Variants in OR4E2 observed in about 807,000 individuals in gnomAD.
OR4E2 encodes olfactory receptor 4E2.
A neutral mutation model predicts 11.0 loss-of-function variants in OR4E2; 9 were observed. The ratio of observed to expected loss-of-function variants is 0.82; its 90% CI spans 0.49 to 1.43. The LOEUF is 1.43. OR4E2 is among the 40% of genes most tolerant of loss of function. OR4E2 has a pLI of 0.00. For synonymous variants in OR4E2, 159 were observed against 147.3 expected (o/e 1.08, Z -0.57); for missense variants, 441 against 382.0 (o/e 1.15, Z -1.29).
chr14:21,656,173 C>CG (rs1213400720), intron 1 of OR4E2, among the ~76,000 whole-genome samples: 1 of 135,118 alleles, frequency 7.4e-6, no homozygotes, highest in Admixed American at 8.4e-5. Context: ...AAACAAACAA[C>CG]CAAAAAAAAA....
intron 3 of OR4E2, among the ~76,000 whole-genome samples, chr14:21,661,303 TTAA>T (rs1156739348): frequency 6.6e-6 from 1 of 152,208 alleles, no homozygotes; most frequent in Non-Finnish European, 1.5e-5. Context: ...TGTATAAATA[TTAA>T]TATGTTGAAG....
chr14:21,656,343 G>C (rs1450434411), intron 1 of OR4E2, among the ~76,000 whole-genome samples, 159 bp from the exon 2 acceptor site: 1 of 152,090 alleles, frequency 6.6e-6, no homozygotes, highest in Non-Finnish European at 1.5e-5. Flanking sequence ...CTAGGTGACA[G>C]AGTGAGACTC....
Position 21,667,172 on chromosome 14 carries a change from T to C in OR4E2, c.*1148T>C, listed in dbSNP as rs1387186288. On this transcript the variant is annotated 3_prime_UTR_variant, in exon 4 of 4. Transcript: ENST00000641524. Reference sequence around the variant, plus strand: ...GCTGATGGAATGAAATGAAATATGGTTAATAATAAAAATATTAAGTATAAA... The same window carrying C: ...GCTGATGGAATGAAATGAAATATGGCTAATAATAAAAATATTAAGTATAAA... The C allele has an allele frequency of 6.6e-6, 1 of 152,192 alleles. No individual in the cohort carries two copies. Among genetic ancestry groups the C allele is most frequent in the East Asian group, 1.9e-4 (1 of 5,198 alleles). The allele number at this position is 152,192 out of a possible 1,614,324, so 9.4% of individuals were successfully genotyped here. A position where few individuals can be genotyped will look rare whatever the true frequency, so the allele number is the denominator to read the frequency against.
intron 1 of OR4E2, among the ~76,000 whole-genome samples, chr14:21,655,933 T>C (rs1404383413): frequency 6.6e-6 from 1 of 151,754 alleles, no homozygotes; most frequent in Non-Finnish European, 1.5e-5. Flanking sequence ...AGGAAAAATG[T>C]AAAATTTGCA....
At chr14:21,661,284 G>A (rs1880307975) in intron 3 of OR4E2, among the ~76,000 whole-genome samples, 1 of 152,086 alleles carries the variant, frequency 6.6e-6, no homozygotes, top group Non-Finnish European at 1.5e-5. Context: ...ATGTATATAT[G>A]TTTGAATATG....
At chr14:21,661,244 A>G (rs926446237) in intron 3 of OR4E2, among the ~76,000 whole-genome samples, 4 of 152,204 alleles carry the variant, frequency 2.6e-5, no homozygotes, top group African/African-American at 9.6e-5. Flanking sequence ...TCCTTCTAGG[A>G]ATAAATATAT....
At chr14:21,656,106 CT>C (rs1879930881) in intron 1 of OR4E2, among the ~76,000 whole-genome samples, 1 of 151,618 alleles carries the variant, frequency 6.6e-6, no homozygotes, top group African/African-American at 2.4e-5. Context: ...AGCGAAGCCC[CT>C]GTCTCTACAA....
intron 3 of OR4E2, among the ~76,000 whole-genome samples, chr14:21,664,138 A>G (rs1305011294): frequency 2.0e-5 from 3 of 152,246 alleles, no homozygotes; most frequent in African/African-American, 7.2e-5. Flanking sequence ...TTGCTGGGTC[A>G]AATGGTATTT....
chr14:21,665,424 G>T lies in OR4E2; in HGVS notation c.342G>T (p.Leu114=). ...LHLFACAEIF[L]LIIMAYDRYV... is the part of the protein sequence containing the mutation. ...TCTTTGCCTGTGCCGAGATCTTTCT[G>T]CTGATCATTATGGCGTATGATCGTT... Residue 114 remains leucine (L), a synonymous_variant, in exon 4 of 4, where the codon CTG becomes CTT. Transcript: ENST00000641524. 3 of 1,613,968 alleles carry T rather than the reference G, an allele frequency of 1.9e-6. No individual in the cohort carries two copies. Among genetic ancestry groups the T allele is most frequent in the Middle Eastern group, 1.6e-4 (1 of 6,062 alleles).
Position 21,666,018 on chromosome 14 carries a change from T to A in OR4E2, c.936T>A (p.Tyr312Ter). The A allele has an allele frequency of 6.2e-7, 1 of 1,609,924 alleles. No individual in the cohort carries two copies. Among genetic ancestry groups the A allele is most frequent in the Non-Finnish European group, 8.5e-7 (1 of 1,176,926 alleles). The change falls in exon 4 of 4, where the codon TAT becomes TAA. Residue 312 changes from tyrosine to a stop codon, truncating the protein, a stop_gained. Transcript: ENST00000641524. LOFTEE classifies it high-confidence loss of function. ...GACAAGTTTTTTTCACGAAATCATA[T>A]ACATAATGGGCACTGGGATTGCAGA... The part of the protein sequence containing the change: ...RQRQVFFTKS[Y>*]T
Position 21,666,831 on chromosome 14 carries a change from A to T in OR4E2, c.*807A>T, listed in dbSNP as rs1382641350. ...CTCAGCCTCCTGAATAGCTGGGACT[A>T]TAGGTGCATGCCATCATGCCTGGCT... is the stretch of plus-strand genomic sequence containing the variant. On this transcript the variant is annotated 3_prime_UTR_variant, in exon 4 of 4. Coordinates refer to ENST00000641524, the MANE Select transcript of OR4E2 (RefSeq NM_001001912.3). 6.6e-6 allele frequency: 1 copy of T among 151,822 alleles called. No individual in the cohort carries two copies. Among genetic ancestry groups the T allele is most frequent in the East Asian group, 1.9e-4 (1 of 5,154 alleles). 9.4% of individuals were successfully genotyped at this position (151,822 alleles called of 1,614,324 possible).
intron 3 of OR4E2, among the ~76,000 whole-genome samples, chr14:21,664,248 A>G (rs1880499541): frequency 1.3e-5 from 2 of 152,184 alleles, no homozygotes. Flanking sequence ...TTTCCTCCAC[A>G]ACCTCACCAA....
At chr14:21,658,856 C>T (rs1186214091) in intron 2 of OR4E2, among the ~76,000 whole-genome samples, 1 of 151,738 alleles carries the variant, frequency 6.6e-6, no homozygotes, top group Non-Finnish European at 1.5e-5. Context: ...ATACAATACA[C>T]AATACTGATG....
intron 2 of OR4E2, among the ~76,000 whole-genome samples, chr14:21,658,545 T>C (rs1163552375): frequency 6.6e-6 from 1 of 152,082 alleles, no homozygotes; most frequent in Non-Finnish European, 1.5e-5. Context: ...AGAGATCAGG[T>C]AGAAACAGAG....
intron 1 of OR4E2, among the ~76,000 whole-genome samples, chr14:21,656,196 A>G (rs1202967924): frequency 6.6e-6 from 1 of 151,800 alleles, no homozygotes; most frequent in Non-Finnish European, 1.5e-5. Flanking sequence ...AGCAATGAAC[A>G]AAAAAACAAA....
rs534255511 is a variant in OR4E2, at chr14:21,655,160, C to A, written c.-191+1221C>A. Among the ~76,000 whole-genome samples the A allele has an allele frequency of 2.6e-5, 4 of 152,228 alleles. No individual in the cohort carries two copies. The South Asian group carries it at 8.3e-4, about 32-fold the overall frequency. Reference sequence around the variant, plus strand: ...AGTAATTAAAGGGATAAAATTATTACCTGCATTCCATAATGAAAATAAAGA... The same window carrying A: ...AGTAATTAAAGGGATAAAATTATTAACTGCATTCCATAATGAAAATAAAGA... On this transcript the variant is annotated intron_variant, in intron 1 of 3. Transcript: ENST00000641524.
rs763103194 is a variant in OR4E2, at chr14:21,665,347, A to G, written c.265A>G (p.Arg89Gly). The G allele has an allele frequency of 2.5e-6, 4 of 1,614,146 alleles. No individual in the cohort carries two copies. In the Admixed American group the frequency reaches 5.0e-5, roughly 20 times the overall value. The change falls in exon 4 of 4, where the codon AGA (arginine) becomes GGA (glycine). Residue 89 changes from arginine to glycine, a missense_variant. Transcript: ENST00000641524. ...GATGTTGGAGGGTTTGCTTTTAGAA[A>G]GAAAGACCATTTCCTTTGACAACTG... ...PKMLEGLLLE[R>G]KTISFDNCIT...
chr14:21,657,393 T>TCTTC (rs1555338225), intron 2 of OR4E2, among the ~76,000 whole-genome samples: 54 of 98,404 alleles, frequency 5.5e-4, no homozygotes, highest in East Asian at 1.6e-3. Flanking sequence ...TTCCTTTCTT[T>TCTTC]CTTCCTTCCT....
intron 1 of OR4E2, among the ~76,000 whole-genome samples, chr14:21,654,438 C>T (rs1160371981): frequency 2.7e-5 from 4 of 147,760 alleles, no homozygotes; most frequent in Non-Finnish European, 4.5e-5. Context: ...TGCATGCACA[C>T]ACATGCATGC....
Sources: gnomAD v4.1 joint callset for allele counts (sites outside exome capture counted in the v4.1 genomes callset) on GRCh38, gnomAD v4.1.1 for gene constraint, MANE v1.5 for transcripts, NCBI Gene and HGNC (gene_info 2026-07-23, HGNC 2026-07-21) for gene names.